The following PSEN1 variants were observed in gnomAD, a reference collection of about 807,000 sequenced individuals.
PSEN1 encodes the protein presenilin 1, also known as presenilin-1.
In PSEN1, 15 loss-of-function variants were observed where a neutral mutation model predicts 53.5. The observed-to-expected ratio is 0.28, with a 90% CI of 0.19 to 0.43. The LOEUF is 0.43. Among genes scored for constraint, PSEN1 ranks in the 20% least tolerant of loss-of-function variants. PSEN1 has a pLI of 1.00. For missense variants in PSEN1, 387 were observed against 571.2 expected, an observed-to-expected ratio of 0.68 and a Z score of 3.29; for synonymous variants, 208 against 209.8, an observed-to-expected ratio of 0.99 and a Z score of 0.08.
At chr14:73,180,640 TA>T (rs1898182846) in intron 5 of PSEN1, among the ~76,000 whole-genome samples, 1 of 152,246 alleles carries the variant, frequency 6.6e-6, no homozygotes, top group Non-Finnish European at 1.5e-5. Context: ...AACTATAACT[TA>T]TTAAAGTCAG....
intron 3 of PSEN1, among the ~76,000 whole-genome samples, chr14:73,153,367 G>T (rs1016022462): frequency 6.6e-6 from 1 of 152,158 alleles, no homozygotes; most frequent in Non-Finnish European, 1.5e-5. Flanking sequence ...AGCCCCATAA[G>T]TGTTCAGTAT....
chr14:73,197,173 T>C (rs1467163268), intron 7 of PSEN1, among the ~76,000 whole-genome samples: 2 of 152,156 alleles, frequency 1.3e-5, no homozygotes. Flanking sequence ...GACCTTGTGA[T>C]CCGCCCACCT....
intron 3 of PSEN1, among the ~76,000 whole-genome samples, chr14:73,154,661 C>T (rs1392738048): frequency 6.6e-6 from 1 of 152,032 alleles, no homozygotes; most frequent in African/African-American, 2.4e-5. Context: ...CAAACTAGGA[C>T]AAAGGCTTGA....
chr14:73,194,052 G>A (rs1283528223), intron 7 of PSEN1, among the ~76,000 whole-genome samples: 2 of 152,174 alleles, frequency 1.3e-5, no homozygotes, highest in South Asian at 2.1e-4. Flanking sequence ...TGGACAGTGT[G>A]AGATTCACAT....
rs1466090572 is a variant in PSEN1, at chr14:73,184,096, CG to C, written c.481-2751del. ...CTCCCAGACGGGGCGGCTGGCCGGG[CG>C]GGGGGCTGACCCCCCCCCACCTCCC... On this transcript the variant is annotated intron_variant, in intron 5 of 11. Coordinates refer to ENST00000324501, the MANE Select transcript of PSEN1 (RefSeq NM_000021.4). Among the ~76,000 whole-genome samples the C allele has an allele frequency of 3.4e-5, 4 of 118,950 alleles. 1 individual carries two copies. The highest frequency in any genetic ancestry group is 2.5e-4 in the East Asian group (1 of 4,016). The allele number at this position is 118,950 out of a possible 152,430, so 78.0% of individuals were successfully genotyped here. A position where few individuals can be genotyped will look rare whatever the true frequency, so the allele number is the denominator to read the frequency against.
At chr14:73,150,841 G>T (rs1470849775) in intron 3 of PSEN1, among the ~76,000 whole-genome samples, 1 of 151,522 alleles carries the variant, frequency 6.6e-6, no homozygotes, top group Non-Finnish European at 1.5e-5. Context: ...AGGCCGAGGA[G>T]GGCGGATCAC....
At chr14:73,152,004 C>T (rs540734444) in intron 3 of PSEN1, among the ~76,000 whole-genome samples, 21 of 128,970 alleles carry the variant, frequency 1.6e-4, no homozygotes, top group Admixed American at 3.6e-4. Flanking sequence ...TTCTGCATCC[C>T]GGGTTCACGC....
chr14:73,179,049 T>C (rs1374078805), intron 5 of PSEN1, among the ~76,000 whole-genome samples: 1 of 152,232 alleles, frequency 6.6e-6, no homozygotes, highest in African/African-American at 2.4e-5. Flanking sequence ...GAGATTGCTT[T>C]CATGAGTTTC....
At chr14:73,150,134 C>T (rs1422425146) in intron 3 of PSEN1, among the ~76,000 whole-genome samples, 1 of 152,138 alleles carries the variant, frequency 6.6e-6, no homozygotes, top group Non-Finnish European at 1.5e-5. Flanking sequence ...GTAATAGGCA[C>T]CCATGTACCT....
chr14:73,173,174 C>A (rs1156380746), intron 4 of PSEN1, among the ~76,000 whole-genome samples: 2 of 152,146 alleles, frequency 1.3e-5, no homozygotes, highest in African/African-American at 4.8e-5. Flanking sequence ...AATTATAAGC[C>A]ATATTACCTT....
At chr14:73,213,906 A>C (rs1477405777) in intron 10 of PSEN1, among the ~76,000 whole-genome samples, 1 of 152,232 alleles carries the variant, frequency 6.6e-6, no homozygotes, top group Non-Finnish European at 1.5e-5. Context: ...AATGTAAAAT[A>C]GTATAGTGAT....
chr14:73,199,713 T>C (rs751812693), intron 8 of PSEN1, among the ~76,000 whole-genome samples: 1 of 152,224 alleles, frequency 6.6e-6, no homozygotes, highest in South Asian at 2.1e-4. Context: ...TTCAGTAATA[T>C]GAAAGTATCA....
intron 5 of PSEN1, among the ~76,000 whole-genome samples, chr14:73,184,903 A>G (rs1326659989): frequency 7.1e-6 from 1 of 140,158 alleles, no homozygotes; most frequent in Non-Finnish European, 1.5e-5. Context: ...GCGGCCGGGC[A>G]GAGATGCTCC....
At chr14:73,162,179 C>CAA (rs539983327) in intron 3 of PSEN1, among the ~76,000 whole-genome samples, 2 of 107,616 alleles carry the variant, frequency 1.9e-5, no homozygotes, top group Non-Finnish European at 3.9e-5. Flanking sequence ...AACTCCATCT[C>CAA]AAAAAAAAAA....
chr14:73,146,844 T>A (rs113332832), intron 1 of PSEN1, among the ~76,000 whole-genome samples: 1,887 of 152,342 alleles, frequency 0.012, 35 homozygotes, highest in African/African-American at 0.044. Flanking sequence ...GATTTTTGCC[T>A]TCTATATTTC....
chr14:73,216,184 C>G (rs546175191), intron 10 of PSEN1, among the ~76,000 whole-genome samples: 1 of 151,968 alleles, frequency 6.6e-6, no homozygotes, highest in Non-Finnish European at 1.5e-5. Context: ...GTAAAATAGG[C>G]GAGGCATGTA....
chr14:73,148,887 C>T (rs1398361325), intron 3 of PSEN1, among the ~76,000 whole-genome samples: 6 of 151,864 alleles, frequency 4.0e-5, no homozygotes, highest in Non-Finnish European at 7.4e-5. Context: ...GAGCTGACGT[C>T]GCGCCATTGC....
chr14:73,153,247 G>A (rs1897273684), intron 3 of PSEN1, among the ~76,000 whole-genome samples: 1 of 152,216 alleles, frequency 6.6e-6, no homozygotes, highest in Non-Finnish European at 1.5e-5. Context: ...AAAAGAACTT[G>A]AAATCTCAAC....
intron 5 of PSEN1, among the ~76,000 whole-genome samples, chr14:73,186,280 G>T (rs1352791881): frequency 1.3e-5 from 2 of 152,140 alleles, no homozygotes; most frequent in African/African-American, 4.8e-5. Context: ...TTGGGGGGCT[G>T]AGGCAGGAGA....
Sources: gnomAD v4.1 joint callset for allele counts (sites outside exome capture counted in the v4.1 genomes callset) on GRCh38, gnomAD v4.1.1 for gene constraint, MANE v1.5 for transcripts, NCBI Gene and HGNC (gene_info 2026-07-23, HGNC 2026-07-21) for gene names.